The following HSD17B12 variants were observed in gnomAD, a reference collection of about 807,000 sequenced individuals.
The protein encoded by HSD17B12 is very-long-chain 3-oxoacyl-CoA reductase.
A neutral mutation model predicts 39.3 loss-of-function variants in HSD17B12; 32 were observed. That is an observed-to-expected ratio of 0.81 (90% CI 0.61 to 1.09). The LOEUF is 1.09. Ranked by LOEUF, HSD17B12 falls within the 50% of genes least tolerant of loss-of-function variation. HSD17B12 has a pLI of 0.00. For missense variants in HSD17B12, 342 were observed against 382.9 expected (o/e 0.89, Z 0.89); for synonymous variants, 150 against 146.7 (o/e 1.02, Z -0.16).
the HSD17B12 span, among the ~76,000 whole-genome samples, chr11:43,596,855 A>G: frequency 6.6e-6 from 1 of 152,188 alleles, no homozygotes; most frequent in African/African-American, 2.4e-5. Flanking sequence ...AAGTCCCCCA[A>G]AGGAGACATA....
chr11:43,824,748 C>T (rs762539095), intron 6 of HSD17B12, among the ~76,000 whole-genome samples: 6 of 152,216 alleles, frequency 3.9e-5, no homozygotes, highest in Non-Finnish European at 8.8e-5. Flanking sequence ...GTAATCCCAG[C>T]ATTTTGGGAG....
chr11:43,635,343 C>T, the HSD17B12 span, among the ~76,000 whole-genome samples: 1 of 152,136 alleles, frequency 6.6e-6, no homozygotes, highest in Admixed American at 6.6e-5. Flanking sequence ...GACAGGCAAA[C>T]TCAGTGTTCT....
At chr11:43,817,054 ATATATC>A (rs1222382229) in intron 6 of HSD17B12, among the ~76,000 whole-genome samples, 4 of 136,338 alleles carry the variant, frequency 2.9e-5, no homozygotes, top group Non-Finnish European at 6.3e-5. Context: ...ATATATATAT[ATATATC>A]TCGTGGTTTT....
At chr11:43,735,098 T>C (rs1950305019) in intron 1 of HSD17B12, among the ~76,000 whole-genome samples, 1 of 152,268 alleles carries the variant, frequency 6.6e-6, no homozygotes, top group South Asian at 2.1e-4. Context: ...CATGTATCAG[T>C]ACTTAATCCC....
rs562274804 is a variant in HSD17B12 at position 43,799,267 on chromosome 11, C to A, written c.391+840C>A. ...AAAAATACAAATAAGATTCCCACCC[C>A]ACCCTGACCAAATTTCATCTACTCT... is the stretch of plus-strand genomic sequence containing the variant. On this transcript the variant is annotated intron_variant, in intron 4 of 10. Transcript: ENST00000278353. Among the ~76,000 whole-genome samples the A allele has an allele frequency of 2.6e-5, 4 of 152,140 alleles. No homozygotes were observed. In the South Asian group the frequency reaches 8.3e-4, roughly 32 times the overall value.
At chr11:43,705,542 C>T (rs1016031057) in intron 1 of HSD17B12, among the ~76,000 whole-genome samples, 17 of 152,030 alleles carry the variant, frequency 1.1e-4, no homozygotes, top group African/African-American at 3.9e-4. Context: ...TATGTGGATA[C>T]GTTACTGTCC....
chr11:43,657,023 T>C, the HSD17B12 span, among the ~76,000 whole-genome samples: 47,741 of 151,894 alleles, frequency 0.31, 7,715 homozygotes, highest in African/African-American at 0.36. Context: ...CCATTATTAT[T>C]GTGTGGGAGT....
rs1278601445 is a variant in HSD17B12 at position 43,680,912 on chromosome 11, T to C, written c.85T>C (p.Ser29Pro). The change falls in exon 1 of 11, where the codon TCG becomes CCG. Residue 29 changes from serine (S) to proline (P), a missense_variant. Transcript: ENST00000278353. ...CTACCTAGCCCTGCGTATTTCGTAC[T>C]CGCTCTTCACGGCCCTCCGGGTCTG... is the stretch of plus-strand genomic sequence containing the variant. The part of the protein sequence containing the change: ...VAYLALRISY[S>P]LFTALRVWGV... 1 of 1,613,822 alleles carries C rather than the reference T, an allele frequency of 6.2e-7. No individual in the cohort carries two copies. The highest frequency in any genetic ancestry group is 1.1e-5 in the South Asian group (1 of 91,074).
At chr11:43,757,639 C>CAAAA (rs60598991) in intron 3 of HSD17B12, among the ~76,000 whole-genome samples, 170 of 7,196 alleles carry the variant, frequency 0.024, 61 homozygotes, top group Non-Finnish European at 0.034. Context: ...GACTCCGTCT[C>CAAAA]AAAAAAAAAA....
At chr11:43,749,833 C>T (rs1773739178) in intron 1 of HSD17B12, among the ~76,000 whole-genome samples, 1 of 151,994 alleles carries the variant, frequency 6.6e-6, no homozygotes, top group African/African-American at 2.4e-5. Flanking sequence ...ACTTGTTTTT[C>T]AAAGTCTGTA....
chr11:43,755,687 A>G (rs1389580456), intron 3 of HSD17B12, among the ~76,000 whole-genome samples: 1 of 152,198 alleles, frequency 6.6e-6, no homozygotes, highest in Non-Finnish European at 1.5e-5. Flanking sequence ...TTATTTATTC[A>G]TTCTCTCACA....
At chr11:43,593,424 TA>T in the HSD17B12 span, among the ~76,000 whole-genome samples, 31 of 152,164 alleles carry the variant, frequency 2.0e-4, no homozygotes, top group Non-Finnish European at 4.3e-4. Flanking sequence ...TTTGCCTCCT[TA>T]AAAAGATTGA....
At chr11:43,747,848 T>G (rs1325788044) in intron 1 of HSD17B12, among the ~76,000 whole-genome samples, 1 of 152,096 alleles carries the variant, frequency 6.6e-6, no homozygotes. Flanking sequence ...CTCTGAGCCT[T>G]TTGCAGCCTC....
chr11:43,584,023 C>T, the HSD17B12 span, among the ~76,000 whole-genome samples: 1 of 152,158 alleles, frequency 6.6e-6, no homozygotes, highest in Admixed American at 6.5e-5. Context: ...TCAAAGTCAC[C>T]TGCCCCCAGT....
intron 1 of HSD17B12, among the ~76,000 whole-genome samples, chr11:43,741,834 C>A (rs1950367903): frequency 6.7e-6 from 1 of 149,148 alleles, no homozygotes; most frequent in African/African-American, 2.5e-5. Context: ...CTTGGGTTCA[C>A]TCCATCCTCC....
the HSD17B12 span, among the ~76,000 whole-genome samples, chr11:43,587,839 C>T: frequency 6.6e-6 from 1 of 152,150 alleles, no homozygotes. Flanking sequence ...TCCTCTGGTG[C>T]TTTTGACTAC....
chr11:43,708,047 T>C (rs976933158), intron 1 of HSD17B12, among the ~76,000 whole-genome samples: 1 of 152,124 alleles, frequency 6.6e-6, no homozygotes, highest in African/African-American at 2.4e-5. Flanking sequence ...AATAATTACC[T>C]CCCAAAGGCC....
At chr11:43,738,992 A>G (rs1950340834) in intron 1 of HSD17B12, among the ~76,000 whole-genome samples, 1 of 152,242 alleles carries the variant, frequency 6.6e-6, no homozygotes, top group Non-Finnish European at 1.5e-5. Flanking sequence ...GGGTTTGGGG[A>G]ACTGGCAAGT....
intron 6 of HSD17B12, among the ~76,000 whole-genome samples, chr11:43,822,650 C>A (rs10768984): frequency 0.66 from 99,589 of 151,992 alleles, 32,970 homozygotes; most frequent in East Asian, 0.76. Flanking sequence ...TGTCCCTACA[C>A]AGGACATGAA....
Sources: allele counts gnomAD v4.1 joint callset (sites outside exome capture counted in the v4.1 genomes callset), GRCh38; gene constraint gnomAD v4.1.1; transcripts MANE v1.5; gene names NCBI Gene and HGNC (gene_info 2026-07-23, HGNC 2026-07-21).